Variants in GREM2 observed in about 807,000 individuals in gnomAD.
GREM2 encodes gremlin-2.
GREM2 carries 11 observed loss-of-function variants against 14.2 expected under a neutral mutation model. The observed-to-expected ratio is 0.78, with a 90% CI of 0.49 to 1.28. The LOEUF (loss-of-function observed/expected upper bound fraction) is 1.28. Ranked by LOEUF, GREM2 falls within the 50% of genes most tolerant of loss-of-function variation. The pLI is 0.00. For missense variants in GREM2, 210 were observed against 218.5 expected, an observed-to-expected ratio of 0.96 and a Z score of 0.24; for synonymous variants, 98 against 97.6, an observed-to-expected ratio of 1.00 and a Z score of -0.02.
At chr1:240,572,678 A>G (rs1679282393) in intron 1 of GREM2, among the ~76,000 whole-genome samples, 1 of 152,186 alleles carries the variant, frequency 6.6e-6, no homozygotes. Context: ...ATAATGCTCT[A>G]GCTTTCTTAG....
At chr1:240,595,453 C>G (rs1367645489) in intron 1 of GREM2, among the ~76,000 whole-genome samples, 1 of 152,186 alleles carries the variant, frequency 6.6e-6, no homozygotes, top group East Asian at 1.9e-4. Flanking sequence ...ACCCCCTCCT[C>G]CTGGGCAGCC....
chr1:240,532,450 A>G (rs567735969), intron 1 of GREM2, among the ~76,000 whole-genome samples: 6 of 152,178 alleles, frequency 3.9e-5, no homozygotes, highest in African/African-American at 1.4e-4. Flanking sequence ...CTTGATGACA[A>G]TTTCCCAAAG....
At chr1:240,505,815 G>T (rs1677664271) in intron 1 of GREM2, among the ~76,000 whole-genome samples, 1 of 151,700 alleles carries the variant, frequency 6.6e-6, no homozygotes, top group Non-Finnish European at 1.5e-5. Flanking sequence ...ATAGTTCTAT[G>T]GGTAGAACTA....
At chr1:240,603,465 CTCTCCCATCCATCTCCCATCCA>C (rs545104003) in intron 1 of GREM2, among the ~76,000 whole-genome samples, 7 of 151,932 alleles carry the variant, frequency 4.6e-5, no homozygotes, top group Admixed American at 1.3e-4. Flanking sequence ...GGCATGGCTC[CTCTCCCATCCATCTCCCATCCA>C]TCTCCCATCC....
chr1:240,535,565 C>T (rs892893571), intron 1 of GREM2, among the ~76,000 whole-genome samples: 5 of 151,908 alleles, frequency 3.3e-5, no homozygotes, highest in South Asian at 2.1e-4. Flanking sequence ...TTTGGGAGGC[C>T]GAGGCAGGGG....
At chr1:240,503,279 T>C (rs1677609395) in intron 1 of GREM2, among the ~76,000 whole-genome samples, 1 of 152,194 alleles carries the variant, frequency 6.6e-6, no homozygotes. Flanking sequence ...GTATATTAAG[T>C]CCATCAACAA....
intron 1 of GREM2, among the ~76,000 whole-genome samples, chr1:240,601,985 C>G (rs1679934684): frequency 6.6e-6 from 1 of 151,894 alleles, no homozygotes; most frequent in African/African-American, 2.4e-5. Context: ...AATAAATCCT[C>G]TCTTGCCCCC....
intron 1 of GREM2, among the ~76,000 whole-genome samples, chr1:240,586,996 A>G (rs957428094): frequency 5.3e-5 from 8 of 152,302 alleles, no homozygotes; most frequent in East Asian, 3.9e-4. Flanking sequence ...TATAACATAC[A>G]TTATAGACAT....
rs942642594 is a variant in GREM2 at position 240,492,267 on chromosome 1, A to G, written c.*702T>C. ...TAGTCCACAAATAGGGGGCGGGGAC[A>G]GTGAGGAAGAAGAGGCGGTGGGGAC... On this transcript the variant is annotated 3_prime_UTR_variant, in exon 2 of 2. Coordinates refer to ENST00000318160, the MANE Select transcript of GREM2 (RefSeq NM_022469.4). 1 of 444,540 alleles carries G rather than the reference A, an allele frequency of 2.2e-6. No homozygotes were observed. The highest frequency in any genetic ancestry group is 2.4e-5 in the Admixed American group (1 of 41,916). The allele number at this position is 444,540 out of a possible 1,614,324, so 27.5% of individuals were successfully genotyped here. A position where few individuals can be genotyped will look rare whatever the true frequency, so the allele number is the denominator to read the frequency against.
In GREM2 at chr1:240,526,968, T is replaced by C. The variant is rs1678238784; in HGVS notation, c.-1-33492A>G. Among the ~76,000 whole-genome samples the C allele has an allele frequency of 2.0e-5, 3 of 152,288 alleles. No individual in the cohort carries two copies. The South Asian group carries it at 6.2e-4, about 32-fold the overall frequency. On this transcript the variant is annotated intron_variant, in intron 1 of 1. Coordinates refer to ENST00000318160, the MANE Select transcript of GREM2 (RefSeq NM_022469.4). ...ACCTTTTAACCCTATTAGCTGATGT[T>C]CTACCAGCTAAGCAATACTTACCAA...
At chr1:240,567,601 G>C (rs1679194296) in intron 1 of GREM2, among the ~76,000 whole-genome samples, 1 of 151,998 alleles carries the variant, frequency 6.6e-6, no homozygotes, top group African/African-American at 2.4e-5. Flanking sequence ...TATATATTCA[G>C]ATATACAAAA....
In GREM2 at chr1:240,603,129, G is replaced by C. The variant is rs559458176; in HGVS notation, c.-2+8755C>G. Among the ~76,000 whole-genome samples the C allele has an allele frequency of 3.3e-5, 5 of 152,188 alleles. No homozygotes were observed. The South Asian group carries it at 6.2e-4, about 19-fold the overall frequency. Reference sequence around the variant, plus strand: ...AATTCCAAGGCGGTGAATGCGGTGCGGTGCGGAGCTATCAATGGGAACTCA... The same window carrying C: ...AATTCCAAGGCGGTGAATGCGGTGCCGTGCGGAGCTATCAATGGGAACTCA... On this transcript the variant is annotated intron_variant, in intron 1 of 1. Transcript: ENST00000318160.
intron 1 of GREM2, among the ~76,000 whole-genome samples, chr1:240,557,281 A>G (rs1285138308): frequency 6.6e-6 from 1 of 152,114 alleles, no homozygotes; most frequent in East Asian, 1.9e-4. Context: ...GGAAGAAATC[A>G]TTAAACAAAA....
At chr1:240,549,470 T>C (rs59316578) in intron 1 of GREM2, among the ~76,000 whole-genome samples, 2,559 of 152,254 alleles carry the variant, frequency 0.017, 77 homozygotes, top group African/African-American at 0.059. Context: ...AAAGGGACTT[T>C]TTGTTTTTAG....
intron 1 of GREM2, among the ~76,000 whole-genome samples, chr1:240,601,452 A>G (rs1176223209): frequency 6.6e-6 from 1 of 152,220 alleles, no homozygotes; most frequent in Non-Finnish European, 1.5e-5. Context: ...TATTAAGGGA[A>G]AAAGCTTCTT....
chr1:240,588,997 C>A, intron 1 of GREM2: 1 of 151,990 alleles, frequency 6.6e-6, no homozygotes, highest in Non-Finnish European at 1.5e-5. Context: ...ATGGCAAGCA[C>A]CTGTGGTTCC....
intron 1 of GREM2, among the ~76,000 whole-genome samples, chr1:240,608,595 G>T (rs149507777): frequency 1.3e-5 from 2 of 152,180 alleles, no homozygotes; most frequent in Non-Finnish European, 2.9e-5. Context: ...TGTTCTAGAC[G>T]AAGTCAACTT....
chr1:240,548,341 A>C (rs1166632840), intron 1 of GREM2, among the ~76,000 whole-genome samples: 9 of 152,046 alleles, frequency 5.9e-5, no homozygotes, highest in African/African-American at 9.7e-5. Context: ...TTGGCTGCTC[A>C]ATCTTACAAG....
intron 1 of GREM2, among the ~76,000 whole-genome samples, chr1:240,535,533 C>T (rs1401530485): frequency 6.6e-6 from 1 of 152,148 alleles, no homozygotes; most frequent in African/African-American, 2.4e-5. Flanking sequence ...GGCACAGTGG[C>T]TCATGCCTGT....
Sources: allele counts gnomAD v4.1 joint callset (sites outside exome capture counted in the v4.1 genomes callset), GRCh38; gene constraint gnomAD v4.1.1; transcripts MANE v1.5; gene names NCBI Gene and HGNC (gene_info 2026-07-23, HGNC 2026-07-21).